ASTN2: variants seen among roughly 807,000 people sequenced by gnomAD.
ASTN2 encodes the protein astrotactin 2, also known as astrotactin-2.
In ASTN2, 54 loss-of-function variants were observed where a neutral mutation model predicts 139.8. That is an observed-to-expected ratio of 0.39 (90% CI 0.31 to 0.48). The LOEUF (loss-of-function observed/expected upper bound fraction) is 0.48. Ranked by LOEUF, ASTN2 falls within the 20% of genes least tolerant of loss-of-function variation. The pLI is 0.95. For synonymous variants in ASTN2, 756 were observed against 719.5 expected (o/e 1.05, Z -0.81); for missense variants, 1,565 against 1,725.1 (o/e 0.91, Z 1.64).
chr9:117,180,557 A>T (rs2132944644), intron 3 of ASTN2: 1 of 709,308 alleles, frequency 1.4e-6, no homozygotes, highest in Non-Finnish European at 2.3e-6. Flanking sequence ...ATTTCAGCAC[A>T]CTCACAGCAA....
intron 4 of ASTN2, among the ~76,000 whole-genome samples, chr9:117,107,702 C>T (rs190470510): frequency 5.8e-4 from 88 of 152,332 alleles, no homozygotes; most frequent in Non-Finnish European, 1.0e-3. Flanking sequence ...GCAGCCCAAG[C>T]CTGCTTCAGC....
chr9:116,863,490 C>A, intron 11 of ASTN2, 93 bp downstream of exon 11: 1 of 1,508,114 alleles, frequency 6.6e-7, no homozygotes, highest in Non-Finnish European at 9.0e-7. Context: ...GGATATGATC[C>A]TCCTTACCAG....
At chr9:117,013,231 A>T (rs1837582669) in intron 6 of ASTN2, among the ~76,000 whole-genome samples, 1 of 152,142 alleles carries the variant, frequency 6.6e-6, no homozygotes. Context: ...TTTATTTGGG[A>T]ATACAAACTA....
intron 10 of ASTN2, among the ~76,000 whole-genome samples, chr9:116,870,421 T>C (rs986496454): frequency 5.9e-5 from 9 of 152,192 alleles, no homozygotes; most frequent in South Asian, 2.1e-4. Flanking sequence ...AACTTATTCA[T>C]TGTTTATTCA....
At chr9:117,407,791 C>G (rs1197269488) in intron 1 of ASTN2, among the ~76,000 whole-genome samples, 1 of 152,188 alleles carries the variant, frequency 6.6e-6, no homozygotes, top group Non-Finnish European at 1.5e-5. Context: ...GGCAGAGAGG[C>G]TGTCTGCTCC....
intron 10 of ASTN2, among the ~76,000 whole-genome samples, chr9:116,872,554 G>A (rs1833193838): frequency 1.3e-5 from 2 of 152,176 alleles, no homozygotes; most frequent in African/African-American, 2.4e-5. Flanking sequence ...AGGAATGGAT[G>A]TAACAGAGCT....
chr9:116,686,834 T>C (rs1426122401), intron 16 of ASTN2: 24 of 1,550,192 alleles, frequency 1.5e-5, no homozygotes, highest in Non-Finnish European at 2.1e-5. Flanking sequence ...TGCAGCTCTC[T>C]GTCAGAGCAC....
At chr9:116,589,231 A>G (rs1180073182) in intron 19 of ASTN2, among the ~76,000 whole-genome samples, 2 of 152,224 alleles carry the variant, frequency 1.3e-5, no homozygotes, top group Non-Finnish European at 2.9e-5. Flanking sequence ...TTAAAGATGT[A>G]TTACTTTTAA....
intron 10 of ASTN2, among the ~76,000 whole-genome samples, chr9:116,962,702 C>A (rs921414277): frequency 2.0e-5 from 3 of 152,070 alleles, no homozygotes; most frequent in South Asian, 2.1e-4. Context: ...TTTTTAATTT[C>A]GTTGCATCTA....
At chr9:116,915,439 G>A (rs942059698) in intron 10 of ASTN2, among the ~76,000 whole-genome samples, 2 of 152,172 alleles carry the variant, frequency 1.3e-5, no homozygotes, top group Admixed American at 1.3e-4. Flanking sequence ...TGACTGGTAA[G>A]AGCATATTTT....
intron 13 of ASTN2, among the ~76,000 whole-genome samples, chr9:116,804,213 GC>G (rs1830972160): frequency 6.6e-6 from 1 of 152,112 alleles, no homozygotes; most frequent in Admixed American, 6.6e-5. Context: ...AAGAGGGTAT[GC>G]TGAATTGAAA....
intron 1 of ASTN2, among the ~76,000 whole-genome samples, chr9:117,377,433 T>C (rs1016081530): frequency 6.6e-6 from 1 of 152,166 alleles, no homozygotes; most frequent in Non-Finnish European, 1.5e-5. Context: ...CAGAGGGTGG[T>C]TTGACTGGTG....
chr9:116,631,617 TAC>T (rs889131315), intron 17 of ASTN2, among the ~76,000 whole-genome samples: 3 of 152,010 alleles, frequency 2.0e-5, no homozygotes, highest in Admixed American at 2.0e-4. Flanking sequence ...GATACAAAAA[TAC>T]AGTTAGTTAG....
chr9:116,496,825 G>C (rs1056071382), intron 19 of ASTN2, among the ~76,000 whole-genome samples: 10 of 152,154 alleles, frequency 6.6e-5, no homozygotes, highest in African/African-American at 2.4e-4. Context: ...GCTTGTGCAG[G>C]GGAACTGTCC....
At chr9:116,735,156 G>A (rs964246742) in intron 13 of ASTN2, among the ~76,000 whole-genome samples, 2 of 152,172 alleles carry the variant, frequency 1.3e-5, no homozygotes, top group African/African-American at 2.4e-5. Flanking sequence ...AGGCATGCAC[G>A]TGCATGATGG....
chr9:116,509,917 G>T (rs1850293432), intron 19 of ASTN2, among the ~76,000 whole-genome samples: 1 of 152,174 alleles, frequency 6.6e-6, no homozygotes, highest in Non-Finnish European at 1.5e-5. Flanking sequence ...TCCTTTGTCA[G>T]ACAGGTAGAT....
chr9:117,025,880 CT>C (rs1838059843), intron 6 of ASTN2, among the ~76,000 whole-genome samples: 1 of 151,692 alleles, frequency 6.6e-6, no homozygotes, highest in South Asian at 2.1e-4. Flanking sequence ...CACCCTCCAC[CT>C]CCCAGGTTCA....
At chr9:117,142,588 T>A (rs1830101315) in intron 3 of ASTN2, among the ~76,000 whole-genome samples, 1 of 152,198 alleles carries the variant, frequency 6.6e-6, no homozygotes, top group Non-Finnish European at 1.5e-5. Context: ...CAATGAATTG[T>A]TAGTAGCCAC....
intron 18 of ASTN2, among the ~76,000 whole-genome samples, chr9:116,619,728 CATT>C (rs1171877874): frequency 7.9e-6 from 1 of 127,130 alleles, no homozygotes; most frequent in Non-Finnish European, 1.6e-5. Flanking sequence ...GACGAGGTCT[CATT>C]ATGTTGCCCA....
Sources: gnomAD v4.1 joint callset for allele counts (sites outside exome capture counted in the v4.1 genomes callset) on GRCh38, gnomAD v4.1.1 for gene constraint, MANE v1.5 for transcripts, NCBI Gene and HGNC (gene_info 2026-07-23, HGNC 2026-07-21) for gene names.